The following DLG2 variants were observed in gnomAD, a reference collection of about 807,000 sequenced individuals.
DLG2 encodes disks large homolog 2.
In DLG2, 45 loss-of-function variants were observed where a neutral mutation model predicts 132.5. The observed-to-expected ratio is 0.34, with a 90% CI of 0.27 to 0.44. The LOEUF is 0.44. Among genes scored for constraint, DLG2 ranks in the 20% least tolerant of loss-of-function variants. The probability of loss-of-function intolerance (pLI) is 1.00; values close to 1 mark genes in which losing one functional copy is unlikely to be tolerated. For synonymous variants in DLG2, 424 were observed against 419.6 expected, an observed-to-expected ratio of 1.01 and a Z score of -0.13; for missense variants, 1,045 against 1,196.9, an observed-to-expected ratio of 0.87 and a Z score of 1.87.
chr11:85,349,543 T>C (rs2083118936), intron 3 of DLG2, among the ~76,000 whole-genome samples: 1 of 152,142 alleles, frequency 6.6e-6, no homozygotes, highest in Non-Finnish European at 1.5e-5. Context: ...GTATTTCTCC[T>C]AATGCTATCC....
intron 6 of DLG2, among the ~76,000 whole-genome samples, chr11:84,684,331 C>T (rs1329542776): frequency 6.6e-6 from 1 of 152,054 alleles, no homozygotes; most frequent in Non-Finnish European, 1.5e-5. Flanking sequence ...TCCCCTTGCA[C>T]CATCATCTCT....
At chr11:84,543,545 G>T (rs183770314) in intron 6 of DLG2, among the ~76,000 whole-genome samples, 182 of 152,204 alleles carry the variant, frequency 1.2e-3, no homozygotes, top group African/African-American at 4.3e-3. Flanking sequence ...CTCCCCATGG[G>T]GTCAAGGGCC....
chr11:84,490,913 ATG>A (rs1282711558), intron 7 of DLG2, among the ~76,000 whole-genome samples: 1 of 137,184 alleles, frequency 7.3e-6, no homozygotes, highest in Non-Finnish European at 1.6e-5. Flanking sequence ...GTGTGTGCAT[ATG>A]TGTGTTACCA....
rs2099211686 is a variant in DLG2, at chr11:84,502,207, CTTCCTTCCTT to C, written c.519+32353_519+32362del. On this transcript the variant is annotated intron_variant, in intron 7 of 27. Transcript: ENST00000376104. ...CTCTTTCTCTCTCTCTCTCTCCTTC[CTTCCTTCCTT>C]CCTTCCTTCCTTCCTTCCTTCCTTC... Among the ~76,000 whole-genome samples the C allele has an allele frequency of 5.3e-4, 2 of 3,808 alleles. 1 individual carries two copies. The allele number at this position is 3,808 out of a possible 152,430, so 2.5% of individuals were successfully genotyped here. A position where few individuals can be genotyped will look rare whatever the true frequency, so the allele number is the denominator to read the frequency against.
chr11:84,346,626 G>GC (rs1260065828), intron 7 of DLG2, among the ~76,000 whole-genome samples: 1 of 152,176 alleles, frequency 6.6e-6, no homozygotes, highest in African/African-American at 2.4e-5. Flanking sequence ...TCGGCAGGCT[G>GC]CAGTGCAGTG....
At chr11:85,253,993 T>A (rs566834134) in intron 4 of DLG2, among the ~76,000 whole-genome samples, 2 of 152,244 alleles carry the variant, frequency 1.3e-5, no homozygotes, top group Non-Finnish European at 2.9e-5. Flanking sequence ...TGGGTTTTTA[T>A]GGGCACAGGA....
intron 9 of DLG2, among the ~76,000 whole-genome samples, chr11:84,114,856 G>T (rs1162149754): frequency 6.9e-6 from 1 of 144,282 alleles, no homozygotes; most frequent in Admixed American, 7.1e-5. Context: ...TTTTTATAGA[G>T]ACAGGGTTTT....
intron 8 of DLG2, among the ~76,000 whole-genome samples, chr11:84,214,645 T>C (rs1414339628): frequency 1.3e-5 from 2 of 152,096 alleles, no homozygotes; most frequent in African/African-American, 4.8e-5. Flanking sequence ...TCAAATGAAA[T>C]CTCAGGTTGT....
At chr11:85,411,355 A>G (rs1029784346) in intron 3 of DLG2, among the ~76,000 whole-genome samples, 3 of 151,920 alleles carry the variant, frequency 2.0e-5, no homozygotes, top group Non-Finnish European at 4.4e-5. Context: ...AGACACTTAC[A>G]AAAGTAGTCT....
At chr11:83,636,872 T>G (rs2065003818) in intron 18 of DLG2, among the ~76,000 whole-genome samples, 1 of 152,202 alleles carries the variant, frequency 6.6e-6, no homozygotes, top group Non-Finnish European at 1.5e-5. Context: ...GAATCTATCC[T>G]GTTTTCATCT....
intron 11 of DLG2, among the ~76,000 whole-genome samples, chr11:84,050,410 G>A (rs1210205470): frequency 6.6e-6 from 1 of 151,808 alleles, no homozygotes; most frequent in Non-Finnish European, 1.5e-5. Flanking sequence ...TGTAGATTCT[G>A]GATATTAGCC....
Position 85,013,033 on chromosome 11 carries a change from A to G in DLG2, c.357+98628T>C, listed in dbSNP as rs2059283171. On this transcript the variant is annotated intron_variant, in intron 6 of 27. Transcript: ENST00000376104. ...ATCTTCTCATTTTCAGTGTGGAAAA[A>G]TTTAATGTCATGTACCTGCCTTCAG... Among the ~76,000 whole-genome samples, 3 of 152,186 alleles carry G rather than the reference A, an allele frequency of 2.0e-5. No individual in the cohort carries two copies. The South Asian group carries it at 6.2e-4, about 31-fold the overall frequency.
At chr11:84,696,065 G>A (rs1464896890) in intron 6 of DLG2, among the ~76,000 whole-genome samples, 1 of 151,452 alleles carries the variant, frequency 6.6e-6, no homozygotes, top group Non-Finnish European at 1.5e-5. Context: ...AAGTAAGATG[G>A]AGAGAAAACA....
chr11:84,876,519 C>T (rs1258802163), intron 6 of DLG2, among the ~76,000 whole-genome samples: 1 of 152,106 alleles, frequency 6.6e-6, no homozygotes, highest in African/African-American at 2.4e-5. Context: ...TCTGTGGGAT[C>T]AGTGGTGATA....
chr11:83,681,193 T>G (rs2078728297), intron 18 of DLG2, among the ~76,000 whole-genome samples: 1 of 152,170 alleles, frequency 6.6e-6, no homozygotes, highest in Non-Finnish European at 1.5e-5. Flanking sequence ...TACGTCAAGC[T>G]GTCGGTTTCC....
intron 2 of DLG2, among the ~76,000 whole-genome samples, chr11:85,604,620 C>G (rs553600763): frequency 3.5e-4 from 53 of 151,612 alleles, no homozygotes; most frequent in Non-Finnish European, 7.4e-4. Context: ...TCATAAGACT[C>G]CTGAGTCTAC....
At chr11:85,403,952 G>T (rs148659937) in intron 3 of DLG2, among the ~76,000 whole-genome samples, 64 of 152,100 alleles carry the variant, frequency 4.2e-4, no homozygotes, top group African/African-American at 1.5e-3. Flanking sequence ...TAAAATAAGG[G>T]TTGTAATAGG....
intron 8 of DLG2, among the ~76,000 whole-genome samples, chr11:84,169,908 C>G (rs2095779819): frequency 6.6e-6 from 1 of 151,662 alleles, no homozygotes; most frequent in African/African-American, 2.4e-5. Context: ...AACTTTCTCC[C>G]AATCTTGTGT....
chr11:84,961,772 G>A (rs929652920), intron 6 of DLG2, among the ~76,000 whole-genome samples: 2 of 152,102 alleles, frequency 1.3e-5, no homozygotes, highest in African/African-American at 4.8e-5. Context: ...AGTTTTTCAA[G>A]CACTACGCAA....
Sources: gnomAD v4.1 joint callset for allele counts (sites outside exome capture counted in the v4.1 genomes callset) on GRCh38, gnomAD v4.1.1 for gene constraint, MANE v1.5 for transcripts, NCBI Gene and HGNC (gene_info 2026-07-23, HGNC 2026-07-21) for gene names.